Variants in BANK1 observed in about 807,000 individuals in gnomAD.
The protein encoded by BANK1 is B-cell scaffold protein with ankyrin repeats.
In BANK1, 95 loss-of-function variants were observed where a neutral mutation model predicts 94.5. The observed-to-expected ratio is 1.00, with a 90% CI of 0.85 to 1.19. BANK1 has a LOEUF of 1.19. BANK1 is among the 50% of genes most tolerant of loss of function. BANK1 has a pLI of 0.00. For synonymous variants in BANK1, 334 were observed against 308.4 expected (o/e 1.08, Z -0.87); for missense variants, 987 against 932.2 (o/e 1.06, Z -0.77).
chr4:101,882,573 C>T (rs912964432), intron 5 of BANK1, among the ~76,000 whole-genome samples: 2 of 152,184 alleles, frequency 1.3e-5, no homozygotes, highest in African/African-American at 4.8e-5. Context: ...AAAGTGGCTG[C>T]ATGGCATAGG....
At chr4:101,861,585 G>C (rs1727878249) in intron 3 of BANK1, among the ~76,000 whole-genome samples, 1 of 152,044 alleles carries the variant, frequency 6.6e-6, no homozygotes, top group South Asian at 2.1e-4. Flanking sequence ...TTTCTGATTA[G>C]TCTTCAGAAT....
At chr4:101,884,321 A>G (rs1446297272) in intron 5 of BANK1, among the ~76,000 whole-genome samples, 1 of 152,166 alleles carries the variant, frequency 6.6e-6, no homozygotes, top group Non-Finnish European at 1.5e-5. Flanking sequence ...AGCAGCAATT[A>G]ACACCATTGA....
chr4:101,973,616 G>A (rs187403541), intron 7 of BANK1, among the ~76,000 whole-genome samples: 5 of 152,084 alleles, frequency 3.3e-5, no homozygotes, highest in Admixed American at 1.3e-4. Context: ...TCCTCTAATG[G>A]TGGAAAATAG....
intron 6 of BANK1, among the ~76,000 whole-genome samples, chr4:101,896,141 C>T (rs1722070412): frequency 6.6e-6 from 1 of 151,816 alleles, no homozygotes; most frequent in Admixed American, 6.6e-5. Context: ...AGGAGATATA[C>T]ATGAAAAATT....
At chr4:102,030,693 G>T (rs1727274419) in intron 10 of BANK1, among the ~76,000 whole-genome samples, 1 of 150,198 alleles carries the variant, frequency 6.7e-6, no homozygotes, top group African/African-American at 2.4e-5. Context: ...TGCAGTGTTT[G>T]GTTTTCTGTT....
chr4:101,985,749 T>TA (rs1019391131), intron 7 of BANK1, among the ~76,000 whole-genome samples: 1 of 151,814 alleles, frequency 6.6e-6, no homozygotes, highest in Non-Finnish European at 1.5e-5. Context: ...AACATGAAAT[T>TA]AAAAAAAATA....
intron 7 of BANK1, among the ~76,000 whole-genome samples, chr4:101,949,843 A>G (rs1421367458): frequency 6.6e-6 from 1 of 152,152 alleles, no homozygotes; most frequent in East Asian, 1.9e-4. Flanking sequence ...AAATTTCTTT[A>G]TCAATAAGTA....
intron 7 of BANK1, among the ~76,000 whole-genome samples, chr4:101,936,342 CATATACAT>C (rs1241570872): frequency 4.9e-5 from 7 of 142,282 alleles, no homozygotes; most frequent in African/African-American, 1.7e-4. Context: ...TATATATGTA[CATATACAT>C]GTATACATAC....
At chr4:101,997,148 G>A (rs1473576125) in intron 7 of BANK1, among the ~76,000 whole-genome samples, 1 of 152,142 alleles carries the variant, frequency 6.6e-6, no homozygotes, top group African/African-American at 2.4e-5. Flanking sequence ...AAAGGGTGTT[G>A]AATTTTTTTG....
intron 2 of BANK1, among the ~76,000 whole-genome samples, chr4:101,844,244 A>C (rs1727164540): frequency 6.6e-6 from 1 of 152,234 alleles, no homozygotes; most frequent in South Asian, 2.1e-4. Flanking sequence ...AGCTATTGCC[A>C]AGTGGGAGAT....
At chr4:101,919,682 T>A (rs1722938830) in intron 7 of BANK1, among the ~76,000 whole-genome samples, 1 of 152,032 alleles carries the variant, frequency 6.6e-6, no homozygotes, top group Admixed American at 6.6e-5. Flanking sequence ...TACATAATTT[T>A]CTATAGTATC....
intron 5 of BANK1, among the ~76,000 whole-genome samples, chr4:101,887,931 G>T (rs1276745047): frequency 6.6e-6 from 1 of 152,034 alleles, no homozygotes; most frequent in African/African-American, 2.4e-5. Context: ...AAAAATCTTT[G>T]CATAACCCTA....
intron 5 of BANK1, 46 bp downstream of exon 5, chr4:101,870,690 G>A (rs778549059): frequency 3.8e-6 from 6 of 1,571,636 alleles, no homozygotes; most frequent in East Asian, 2.3e-5. Context: ...AAGCTGAAGA[G>A]CTAATGAAGG....
chr4:101,911,075 G>A (rs1722647889), intron 6 of BANK1, among the ~76,000 whole-genome samples: 1 of 152,140 alleles, frequency 6.6e-6, no homozygotes, highest in East Asian at 1.9e-4. Context: ...CCTGAGGTAG[G>A]TACCATTTAA....
chr4:101,904,383 T>A (rs1036369095), intron 6 of BANK1, among the ~76,000 whole-genome samples: 8 of 152,242 alleles, frequency 5.3e-5, no homozygotes, highest in African/African-American at 1.7e-4. Flanking sequence ...ATGTGCCCAT[T>A]TTCTAATTGT....
At chr4:102,014,835 A>G (rs1726637911) in intron 7 of BANK1, among the ~76,000 whole-genome samples, 1 of 152,082 alleles carries the variant, frequency 6.6e-6, no homozygotes, top group Admixed American at 6.6e-5. Flanking sequence ...ATGTTTTGGT[A>G]AAGTTATCTA....
At chr4:102,025,573 C>T (rs1727063645) in intron 9 of BANK1, 64 bp downstream of exon 9, 4 of 1,464,930 alleles carry the variant, frequency 2.7e-6, no homozygotes, top group Non-Finnish European at 3.7e-6. Context: ...GCTTACATAG[C>T]AAATAGTGCA....
At position 102,060,290 on chromosome 4, in the gene BANK1, G is replaced by T. The variant is rs1728373660; in HGVS notation, c.2049G>T (p.Leu683=). ...LTDGQEELIL[L]QEKVKNGKMS... The stretch of plus-strand genomic sequence containing the variant: ...ATGGTCAGGAAGAACTCATCCTCCT[G>T]CAGGAGAAAGTAAAGAATGGGAAAA... Residue 683 remains leucine, a synonymous_variant, in exon 12 of 17, where the codon CTG becomes CTT. Coordinates refer to ENST00000322953, the MANE Select transcript of BANK1 (RefSeq NM_017935.5). 6.2e-7 allele frequency: 1 copy of T among 1,610,542 alleles called. No homozygotes were observed. Among genetic ancestry groups the T allele is most frequent in the African/African-American group, 1.3e-5 (1 of 74,580 alleles).
chr4:101,948,601 C>G (rs1459631762), intron 7 of BANK1, among the ~76,000 whole-genome samples: 1 of 152,076 alleles, frequency 6.6e-6, no homozygotes, highest in African/African-American at 2.4e-5. Context: ...TTTCTTCTAT[C>G]TAAAATGGCA....
Sources: gnomAD v4.1 joint callset for allele counts (sites outside exome capture counted in the v4.1 genomes callset) on GRCh38, gnomAD v4.1.1 for gene constraint, MANE v1.5 for transcripts, NCBI Gene and HGNC (gene_info 2026-07-23, HGNC 2026-07-21) for gene names.